Variants in CFAP276 observed in about 807,000 individuals in gnomAD.
CFAP276 encodes cilia- and flagella-associated protein 276.
the CFAP276 span, chr1:109,113,763 G>A: frequency 1.3e-4 from 189 of 1,485,660 alleles, no homozygotes; most frequent in African/African-American, 2.1e-3. Flanking sequence ...AGTAGAAAAC[G>A]GAAATTTGTT....
chr1:109,111,228 A>G, the CFAP276 span, among the ~76,000 whole-genome samples: 1 of 152,146 alleles, frequency 6.6e-6, no homozygotes, highest in African/African-American at 2.4e-5. Context: ...GCACTTTGGG[A>G]GGCCAAAGCA....
chr1:109,112,797 A>G, the CFAP276 span: 1 of 1,470,030 alleles, frequency 6.8e-7, no homozygotes, highest in Non-Finnish European at 9.1e-7. Flanking sequence ...TTGCCAGGCA[A>G]CTGCCCAGCC....
chr1:109,107,974 A>G, the CFAP276 span: 1 of 1,598,910 alleles, frequency 6.3e-7, no homozygotes, highest in Non-Finnish European at 8.5e-7. Flanking sequence ...GTGGGGGTTG[A>G]GTTGAGCCGA....
chr1:109,106,738 G>T, the CFAP276 span: 1 of 1,486,400 alleles, frequency 6.7e-7, no homozygotes, highest in Non-Finnish European at 9.2e-7. Flanking sequence ...AGTTGAATGT[G>T]ATCTCAAGAA....
At chr1:109,109,466 C>A in the CFAP276 span, among the ~76,000 whole-genome samples, 3 of 149,966 alleles carry the variant, frequency 2.0e-5, no homozygotes, top group Non-Finnish European at 4.4e-5. Context: ...ATAGAACTCT[C>A]ATTAGACCTA....
At chr1:109,110,211 AC>A in the CFAP276 span, among the ~76,000 whole-genome samples, 1 of 152,026 alleles carries the variant, frequency 6.6e-6, no homozygotes, top group African/African-American at 2.4e-5. Flanking sequence ...CTCTCTTCTG[AC>A]CCCAGCCTCA....
At chr1:109,106,877 CAG>C in the CFAP276 span, 3 of 870,560 alleles carry the variant, frequency 3.4e-6, no homozygotes, top group Non-Finnish European at 5.4e-6. Flanking sequence ...ATTATAGACA[CAG>C]ATGTAAAAAT....
At chr1:109,113,296 T>C in the CFAP276 span, among the ~76,000 whole-genome samples, 1 of 151,584 alleles carries the variant, frequency 6.6e-6, no homozygotes, top group Non-Finnish European at 1.5e-5. Flanking sequence ...GGGAGGCTAA[T>C]CCAGGAGAAT....
the CFAP276 span, among the ~76,000 whole-genome samples, chr1:109,108,480 A>G: frequency 2.2e-4 from 33 of 152,248 alleles, no homozygotes; most frequent in South Asian, 6.4e-3. Flanking sequence ...ATCTGCAAAG[A>G]GAAGAATGGT....
At chr1:109,106,100 T>C in the CFAP276 span, 1 of 1,609,590 alleles carries the variant, frequency 6.2e-7, no homozygotes, top group Non-Finnish European at 8.5e-7. Flanking sequence ...GAGGGGACAC[T>C]GTGGAGAAAA....
At chr1:109,112,591 C>G in the CFAP276 span, 1 of 1,550,480 alleles carries the variant, frequency 6.4e-7, no homozygotes, top group Non-Finnish European at 8.7e-7. Flanking sequence ...CGCAAGAAAC[C>G]ACAGTACCTT....
the CFAP276 span, among the ~76,000 whole-genome samples, chr1:109,113,448 GA>G: frequency 6.9e-6 from 1 of 143,960 alleles, no homozygotes; most frequent in African/African-American, 2.6e-5. Context: ...GAGAGAGAGA[GA>G]GAGAGAGAGA....
At chr1:109,106,120 A>T in the CFAP276 span, 3 of 1,592,472 alleles carry the variant, frequency 1.9e-6, no homozygotes, top group Non-Finnish European at 2.6e-6. Context: ...AGAGAAGAGG[A>T]AGTGGACTGA....
the CFAP276 span, among the ~76,000 whole-genome samples, chr1:109,110,297 A>G: frequency 6.6e-6 from 1 of 152,018 alleles, no homozygotes; most frequent in Non-Finnish European, 1.5e-5. Flanking sequence ...AGGAGTCAAT[A>G]TTTACTATCT....
the CFAP276 span, chr1:109,113,820 G>A: frequency 1.1e-6 from 1 of 878,354 alleles, no homozygotes; most frequent in Non-Finnish European, 1.7e-6. Flanking sequence ...ACGAGCCCCG[G>A]GCCTGCCTGT....
the CFAP276 span, chr1:109,107,943 T>A: frequency 4.4e-6 from 7 of 1,608,096 alleles, no homozygotes; most frequent in Non-Finnish European, 5.9e-6. Flanking sequence ...ATAGTAGGCA[T>A]CCCGCCTCAT....
At chr1:109,106,004 A>G in the CFAP276 span, 1 of 1,588,802 alleles carries the variant, frequency 6.3e-7, no homozygotes, top group South Asian at 1.1e-5. Flanking sequence ...GTTTCACTAT[A>G]ATTAGTTCAG....
the CFAP276 span, chr1:109,107,212 T>G: frequency 1.1e-6 from 1 of 939,766 alleles, no homozygotes; most frequent in Non-Finnish European, 1.7e-6. Context: ...TCCCCAAAAG[T>G]ATAGTGAAGG....
chr1:109,110,606 G>T, the CFAP276 span, among the ~76,000 whole-genome samples: 6 of 152,156 alleles, frequency 3.9e-5, no homozygotes, highest in Non-Finnish European at 8.8e-5. Context: ...CTTAGGCAGT[G>T]CTATTCTCCA....
Sources: allele counts gnomAD v4.1 joint callset (sites outside exome capture counted in the v4.1 genomes callset), GRCh38; gene constraint gnomAD v4.1.1; transcripts MANE v1.5; gene names NCBI Gene and HGNC (gene_info 2026-07-23, HGNC 2026-07-21).